Variants in CAB39L observed in about 807,000 individuals in gnomAD.
The protein encoded by CAB39L is calcium-binding protein 39-like.
CAB39L carries 23 observed loss-of-function variants against 39.1 expected under a neutral mutation model. The observed-to-expected ratio is 0.59, with a 90% confidence interval of 0.42 to 0.83. The LOEUF (loss-of-function observed/expected upper bound fraction) is 0.83, where lower values mean the gene tolerates loss of function less well. CAB39L is among the 40% of genes least tolerant of loss of function. CAB39L has a pLI of 0.00. For synonymous variants in CAB39L, 126 were observed against 137.2 expected, an observed-to-expected ratio of 0.92 and a Z score of 0.57; for missense variants, 366 against 391.9, an observed-to-expected ratio of 0.93 and a Z score of 0.56.
intron 5 of CAB39L, among the ~76,000 whole-genome samples, chr13:49,369,430 A>G (rs1955855189): frequency 6.6e-6 from 1 of 152,222 alleles, no homozygotes; most frequent in Non-Finnish European, 1.5e-5. Flanking sequence ...TGAATCTCAA[A>G]TGCGTTATGC....
intron 3 of CAB39L, among the ~76,000 whole-genome samples, chr13:49,404,164 G>A (rs147410081): frequency 7.9e-5 from 12 of 152,208 alleles, no homozygotes; most frequent in East Asian, 1.9e-4. Context: ...ATCCCTCCCC[G>A]AACTGTAGGC....
intron 3 of CAB39L, among the ~76,000 whole-genome samples, chr13:49,387,144 C>T (rs765164057): frequency 2.6e-4 from 40 of 152,316 alleles, no homozygotes; most frequent in Middle Eastern, 3.4e-3. Context: ...CGAAGTTGTT[C>T]TTAAAGTAAG....
At chr13:49,438,518 AATT>A (rs1334670587) in intron 1 of CAB39L, among the ~76,000 whole-genome samples, 2 of 152,166 alleles carry the variant, frequency 1.3e-5, no homozygotes, top group African/African-American at 4.8e-5. Flanking sequence ...ATTTTCCTTG[AATT>A]ATTTCATGTT....
At chr13:49,369,849 G>A (rs1044545761) in intron 5 of CAB39L, among the ~76,000 whole-genome samples, 2 of 152,138 alleles carry the variant, frequency 1.3e-5, no homozygotes, top group Admixed American at 1.3e-4. Flanking sequence ...GCCTCCCAAA[G>A]TGCTGGGATT....
chr13:49,339,241 C>T (rs540575056), intron 9 of CAB39L, among the ~76,000 whole-genome samples: 17 of 150,888 alleles, frequency 1.1e-4, no homozygotes, highest in African/African-American at 3.9e-4. Context: ...AGCGATTCTC[C>T]TGCCTCAGCC....
At chr13:49,386,859 C>CGA (rs1956374458) in intron 3 of CAB39L, among the ~76,000 whole-genome samples, 7 of 152,038 alleles carry the variant, frequency 4.6e-5, no homozygotes, top group African/African-American at 1.7e-4. Context: ...AACACCTCCC[C>CGA]CACTCCAAGA....
At chr13:49,415,561 G>A (rs1241213307) in intron 3 of CAB39L, among the ~76,000 whole-genome samples, 3 of 151,792 alleles carry the variant, frequency 2.0e-5, no homozygotes, top group Non-Finnish European at 4.4e-5. Flanking sequence ...TTAAAAATGT[G>A]GGCTCTGATA....
At chr13:49,381,383 G>A (rs11618853) in intron 4 of CAB39L, among the ~76,000 whole-genome samples, 82,895 of 151,974 alleles carry the variant, frequency 0.55, 24,015 homozygotes, top group African/African-American at 0.72. Context: ...GAGAGTTAAG[G>A]ATAATAATAA....
intron 8 of CAB39L, among the ~76,000 whole-genome samples, chr13:49,343,863 G>C (rs959186180): frequency 6.6e-6 from 1 of 152,180 alleles, no homozygotes; most frequent in Non-Finnish European, 1.5e-5. Context: ...GTACTTTAGT[G>C]AGGGTGGGGT....
chr13:49,324,917 T>A (rs1331219718), intron 10 of CAB39L, among the ~76,000 whole-genome samples: 1 of 152,228 alleles, frequency 6.6e-6, no homozygotes, highest in Non-Finnish European at 1.5e-5. Flanking sequence ...CAACTTAAAT[T>A]TTTTTATGCT....
intron 9 of CAB39L, among the ~76,000 whole-genome samples, chr13:49,336,293 AC>A (rs1664240986): frequency 6.6e-6 from 1 of 152,172 alleles, no homozygotes; most frequent in Non-Finnish European, 1.5e-5. Flanking sequence ...CTCTCCAGTA[AC>A]CATTTTAATA....
At position 49,376,948 on chromosome 13, in the gene CAB39L, C is replaced by T; in HGVS notation, c.276+19G>A. The T allele has an allele frequency of 6.5e-7, 1 of 1,541,938 alleles. No individual in the cohort carries two copies. ...TAAAATTGAAAAGCACCACTGACAT[C>T]CTTTTACAGCTGGCTTACCTCAAAG... On this transcript the variant is annotated intron_variant, in intron 5 of 10. Coordinates refer to ENST00000409308, the MANE Select transcript of CAB39L (RefSeq NM_001079670.3).
intron 9 of CAB39L, among the ~76,000 whole-genome samples, chr13:49,333,823 C>A (rs766596871): frequency 6.6e-6 from 1 of 151,914 alleles, no homozygotes; most frequent in Non-Finnish European, 1.5e-5. Context: ...CCATCCGCCT[C>A]GGCCTCTCAA....
intron 10 of CAB39L, among the ~76,000 whole-genome samples, chr13:49,326,493 A>G (rs1235405283): frequency 2.6e-5 from 4 of 152,222 alleles, no homozygotes; most frequent in South Asian, 2.1e-4. Context: ...AGAGTCAGCC[A>G]TTAACAATCC....
chr13:49,359,676 A>G, intron 6 of CAB39L, 38 bp downstream of exon 6: 1 of 1,118,040 alleles, frequency 8.9e-7, no homozygotes, highest in Non-Finnish European at 1.3e-6. Context: ...ACAACTATTA[A>G]AAACTTAGCC....
intron 10 of CAB39L, among the ~76,000 whole-genome samples, chr13:49,315,965 A>T (rs1371273557): frequency 6.6e-6 from 1 of 152,054 alleles, no homozygotes; most frequent in Non-Finnish European, 1.5e-5. Flanking sequence ...AACTAGGAAG[A>T]GAAGAACAAA....
chr13:49,428,551 C>T lies in CAB39L; in HGVS notation c.-32+4767G>A, dbSNP rs563701825. Among the ~76,000 whole-genome samples, 5 of 152,266 alleles carry T rather than the reference C, an allele frequency of 3.3e-5. No individual in the cohort carries two copies. The South Asian group carries it at 6.2e-4, about 19-fold the overall frequency. ...TGGGGGCCATCTTGGAGGCTGGCTG[C>T]TGCAGTGGCTTGGCAATTCCAGGCA... On this transcript the variant is annotated intron_variant, in intron 3 of 10. Transcript: ENST00000409308.
chr13:49,337,822 T>C (rs927248908), intron 9 of CAB39L, among the ~76,000 whole-genome samples: 15 of 152,056 alleles, frequency 9.9e-5, no homozygotes, highest in Non-Finnish European at 2.2e-4. Flanking sequence ...CCTACTCTTC[T>C]TTTTAGTACT....
rs1465508980 is a variant in CAB39L at position 49,359,787 on chromosome 13, G to C, written c.322C>G (p.Gln108Glu). The change falls in exon 6 of 11, where the codon CAG becomes GAG. Residue 108 changes from glutamine (Q) to glutamate (E), a missense_variant. Physicochemically the swap from Gln to Glu is conservative, Grantham distance 29. Transcript: ENST00000409308. ...TQIFNNILRR[Q>E]IGTRSPTVEY... ...ACAGTAGGACTCCGAGTGCCTATCT[G>C]TCTTCTCAAGATGTTGTTAAATATC... 1 of 1,612,858 alleles carries C rather than the reference G, an allele frequency of 6.2e-7. No individual in the cohort carries two copies. The highest frequency in any genetic ancestry group is 8.5e-7 in the Non-Finnish European group (1 of 1,178,986).
Sources: allele counts gnomAD v4.1 joint callset (sites outside exome capture counted in the v4.1 genomes callset), GRCh38; gene constraint gnomAD v4.1.1; transcripts MANE v1.5; gene names NCBI Gene and HGNC (gene_info 2026-07-23, HGNC 2026-07-21).